The following PZP variants were observed in gnomAD, a reference collection of about 807,000 sequenced individuals.
PZP encodes PZP alpha-2-macroglobulin like, also known as pregnancy zone protein.
In PZP, 150 loss-of-function variants were observed where a neutral mutation model predicts 179.8. The observed-to-expected ratio is 0.83, with a 90% CI of 0.73 to 0.96. The LOEUF (loss-of-function observed/expected upper bound fraction) is 0.96, where lower values mean the gene tolerates loss of function less well. Ranked by LOEUF, PZP falls within the 40% of genes least tolerant of loss-of-function variation. PZP has a pLI of 0.00. For missense variants in PZP, 1,689 were observed against 1,764.0 expected (o/e 0.96, Z 0.76); for synonymous variants, 624 against 652.3 (o/e 0.96, Z 0.66).
chr12:9,146,587 C>A, downstream of PZP, among the ~76,000 whole-genome samples: 1 of 152,090 alleles, frequency 6.6e-6, no homozygotes, highest in Non-Finnish European at 1.5e-5. Flanking sequence ...TGTGTTGTTG[C>A]CTCTGCATTA....
intron 1 of PZP, among the ~76,000 whole-genome samples, chr12:9,207,946 A>G (rs1483354563): frequency 6.6e-6 from 1 of 152,208 alleles, no homozygotes; most frequent in Non-Finnish European, 1.5e-5. Flanking sequence ...TTCACTATAT[A>G]TTTCGAATAT....
intron 15 of PZP, among the ~76,000 whole-genome samples, chr12:9,176,474 A>G (rs1275683361): frequency 6.6e-6 from 1 of 151,858 alleles, no homozygotes; most frequent in Non-Finnish European, 1.5e-5. Context: ...TGAAGAAAGA[A>G]ATAAATAAAT....
chr12:9,188,268 C>CA (rs1321645154), intron 13 of PZP, among the ~76,000 whole-genome samples: 2 of 152,094 alleles, frequency 1.3e-5, no homozygotes. Flanking sequence ...GAACCAATGA[C>CA]AAAAATACGA....
intron 11 of PZP, among the ~76,000 whole-genome samples, chr12:9,193,593 A>G (rs1943576835): frequency 6.6e-6 from 1 of 152,192 alleles, no homozygotes; most frequent in African/African-American, 2.4e-5. Context: ...GAAATAATGT[A>G]TATGTTATTT....
chr12:9,194,902 T>C (rs927936888), intron 10 of PZP, among the ~76,000 whole-genome samples: 1 of 152,198 alleles, frequency 6.6e-6, no homozygotes, highest in Admixed American at 6.5e-5. Flanking sequence ...TGTTCTGAAC[T>C]CTACTAGCTA....
chr12:9,150,130 T>A (rs1195844081), intron 34 of PZP, among the ~76,000 whole-genome samples: 1 of 152,234 alleles, frequency 6.6e-6, no homozygotes, highest in African/African-American at 2.4e-5. Flanking sequence ...GTCTTTCCTG[T>A]TATGTAATAT....
chr12:9,182,039 A>G lies in PZP; in HGVS notation c.1625T>C (p.Leu542Ser), dbSNP rs1367844412. The G allele has an allele frequency of 1.2e-6, 2 of 1,613,768 alleles. No homozygotes were observed. Among genetic ancestry groups the G allele is most frequent in the Non-Finnish European group, 8.5e-7 (1 of 1,179,802 alleles). ...PIARMFIFAI[L>S]PDGEVVGDSE... ...GTCTCCAACAACTTCTCCATCTGGT[A>G]AAATGGCAAAGATGAACATTCGTGC... is the stretch of plus-strand genomic sequence containing the variant. The change falls in exon 14 of 36, where the codon TTA becomes TCA. Residue 542 changes from leucine (L) to serine (S), a missense_variant. Coordinates refer to ENST00000261336, the MANE Select transcript of PZP (RefSeq NM_002864.3).
At chr12:9,150,618 G>A in intron 34 of PZP, 26 bp downstream of exon 34, 2 of 1,467,724 alleles carry the variant, frequency 1.4e-6, no homozygotes, top group Admixed American at 1.8e-5. Flanking sequence ...CTCTGGTTAA[G>A]ATTGTTTCAT....
the PZP span, among the ~76,000 whole-genome samples, chr12:9,139,435 G>T: frequency 6.6e-6 from 1 of 152,070 alleles, no homozygotes; most frequent in African/African-American, 2.4e-5. Context: ...ATGTCTGTTT[G>T]GTCCATTTGG....
At chr12:9,196,159 CTGTT>C (rs1411695093) in intron 10 of PZP, among the ~76,000 whole-genome samples, 167 bp downstream of exon 10, 8 of 152,066 alleles carry the variant, frequency 5.3e-5, no homozygotes, top group Non-Finnish European at 1.0e-4. Context: ...TAGTATGTGT[CTGTT>C]TGTTTCATCA....
chr12:9,180,709 C>T (rs1341718099), intron 15 of PZP, among the ~76,000 whole-genome samples: 1 of 152,184 alleles, frequency 6.6e-6, no homozygotes, highest in Non-Finnish European at 1.5e-5. Context: ...AGAAGAAAAC[C>T]TAGGCATCAC....
chr12:9,159,473 T>C (rs1229585335), intron 25 of PZP, among the ~76,000 whole-genome samples: 1 of 151,918 alleles, frequency 6.6e-6, no homozygotes, highest in Non-Finnish European at 1.5e-5. Flanking sequence ...CCCAATGTGG[T>C]AGTATTGAGA....
At chr12:9,161,611 A>C (rs4883215) in intron 22 of PZP, among the ~76,000 whole-genome samples, 4 of 152,002 alleles carry the variant, frequency 2.6e-5, no homozygotes, top group Non-Finnish European at 5.9e-5. Flanking sequence ...ACTTATAACC[A>C]TGATAATACA....
chr12:9,137,200 C>A, the PZP span, among the ~76,000 whole-genome samples: 1 of 152,010 alleles, frequency 6.6e-6, no homozygotes, highest in Non-Finnish European at 1.5e-5. Flanking sequence ...TGAGTTAATT[C>A]TTGTGTATGG....
At chr12:9,136,601 T>C in the PZP span, among the ~76,000 whole-genome samples, 7 of 152,312 alleles carry the variant, frequency 4.6e-5, no homozygotes, top group South Asian at 1.5e-3. Context: ...GATGAATATA[T>C]ACACCATGTT....
At position 9,153,123 on chromosome 12, in the gene PZP, A is replaced by G; in HGVS notation, c.3993+2T>C. 1.2e-6 allele frequency: 2 copies of G among 1,613,892 alleles called. No individual in the cohort carries two copies. The stretch of plus-strand genomic sequence containing the variant: ...CTCACCCATATAAGCTTGGAGCCCT[A>G]CCTGAAGATACACACATCTTTCCCC... On this transcript the variant is annotated splice_donor_variant, in intron 30 of 35. Coordinates refer to ENST00000261336, the MANE Select transcript of PZP (RefSeq NM_002864.3). LOFTEE classifies it high-confidence loss of function.
chr12:9,191,609 G>T (rs1035680362), intron 13 of PZP, among the ~76,000 whole-genome samples: 1 of 152,066 alleles, frequency 6.6e-6, no homozygotes, highest in African/African-American at 2.4e-5. Flanking sequence ...GGGGTGTGGT[G>T]GAAATTGGTA....
Position 9,181,122 on chromosome 12 carries a change from C to T in PZP, c.1700G>A (p.Ser567Asn), listed in dbSNP as rs1942734723. Residue 567 changes from serine to asparagine, a missense_variant, in exon 15 of 36, where the codon AGC becomes AAC. Coordinates refer to ENST00000261336, the MANE Select transcript of PZP (RefSeq NM_002864.3). ...TGGGGGACTTTGTGCTGGGCTGAAGCTCAAATCCACCTGTGGGAAATGAAG... is the reference window on the plus strand; with the variant it reads ...TGGGGGACTTTGTGCTGGGCTGAAGTTCAAATCCACCTGTGGGAAATGAAG... ...ENCLANKVDLSFSPAQSPPAS... is the reference protein window; with the variant it reads ...ENCLANKVDLNFSPAQSPPAS... The T allele has an allele frequency of 6.2e-7, 1 of 1,614,100 alleles. No homozygotes were observed. The highest frequency in any genetic ancestry group is 8.5e-7 in the Non-Finnish European group (1 of 1,179,986).
chr12:9,187,478 A>G (rs1943198676), intron 13 of PZP, among the ~76,000 whole-genome samples: 1 of 152,208 alleles, frequency 6.6e-6, no homozygotes, highest in Non-Finnish European at 1.5e-5. Flanking sequence ...CATACACTCC[A>G]CACTCTCGGA....
Sources: gnomAD v4.1 joint callset for allele counts (sites outside exome capture counted in the v4.1 genomes callset) on GRCh38, gnomAD v4.1.1 for gene constraint, MANE v1.5 for transcripts, NCBI Gene and HGNC (gene_info 2026-07-23, HGNC 2026-07-21) for gene names.